NBEA: variants seen among roughly 807,000 people sequenced by gnomAD.
NBEA encodes lysosomal-trafficking regulator 2.
Under a neutral mutation model 343.4 loss-of-function variants are expected in NBEA, and 44 were observed. The ratio of observed to expected loss-of-function variants is 0.13; its 90% confidence interval spans 0.10 to 0.16. NBEA has a LOEUF of 0.16. Among genes scored for constraint, NBEA ranks in the 10% least tolerant of loss-of-function variants. The pLI, the probability that NBEA is intolerant of heterozygous loss-of-function variation, is 1.00. For missense variants in NBEA, 2,555 were observed against 3,631.3 expected (o/e 0.70, Z 7.62); for synonymous variants, 1,175 against 1,238.7 (o/e 0.95, Z 1.08).
intron 41 of NBEA, among the ~76,000 whole-genome samples, chr13:35,496,490 C>T (rs188763883): frequency 4.0e-5 from 6 of 151,562 alleles, no homozygotes; most frequent in Non-Finnish European, 8.8e-5. Context: ...AAACCTTAGC[C>T]AGGCATAGTG....
chr13:35,382,383 C>T (rs957648921), intron 38 of NBEA, among the ~76,000 whole-genome samples: 1 of 151,970 alleles, frequency 6.6e-6, no homozygotes, highest in Non-Finnish European at 1.5e-5. Context: ...TAATGTAATT[C>T]TATTTTATTT....
chr13:35,456,059 A>G (rs764912737), intron 40 of NBEA, among the ~76,000 whole-genome samples: 25 of 152,066 alleles, frequency 1.6e-4, no homozygotes, highest in Non-Finnish European at 2.9e-4. Flanking sequence ...AGTTTTGCTT[A>G]TAGATAGTCT....
In NBEA at chr13:35,655,667, C is replaced by T. The variant is rs1426483005; in HGVS notation, c.8280C>T (p.Ile2760=). The change falls in exon 55 of 59, where the codon ATC becomes ATT. Residue 2760 remains isoleucine, a synonymous_variant. Coordinates refer to ENST00000379939, the MANE Select transcript of NBEA (RefSeq NM_001385012.1). ...SESYIGGDCY[I]VSGSRDATLL... ...CATACATTGGTGGGGACTGCTACAT[C>T]GTGTCCGGATCTCGAGATGCCACCC... 5 of 1,613,884 alleles carry T rather than the reference C, an allele frequency of 3.1e-6. No individual in the cohort carries two copies. The highest frequency in any genetic ancestry group is 1.7e-6 in the Non-Finnish European group (2 of 1,179,864).
chr13:35,155,960 A>G, intron 19 of NBEA, 105 bp downstream of exon 19: 3 of 1,460,622 alleles, frequency 2.1e-6, no homozygotes, highest in Non-Finnish European at 2.8e-6. Flanking sequence ...GTGTTTACCT[A>G]GTTCATGACA....
intron 38 of NBEA, among the ~76,000 whole-genome samples, chr13:35,360,118 C>G (rs1163596609): frequency 2.0e-5 from 3 of 151,918 alleles, no homozygotes; most frequent in African/African-American, 7.2e-5. Context: ...GGATTTGAGT[C>G]TAGGTTGATC....
chr13:35,085,124 A>G (rs1337549408), intron 10 of NBEA, among the ~76,000 whole-genome samples: 1 of 152,110 alleles, frequency 6.6e-6, no homozygotes, highest in Middle Eastern at 3.2e-3. Flanking sequence ...CCAGGACCAG[A>G]TGGATTCACA....
intron 31 of NBEA, among the ~76,000 whole-genome samples, chr13:35,199,742 A>G (rs2072884035): frequency 6.6e-6 from 1 of 152,154 alleles, no homozygotes. Context: ...TTTGAAGTTT[A>G]TAATAAAAAA....
intron 38 of NBEA, among the ~76,000 whole-genome samples, chr13:35,413,441 A>G (rs542999650): frequency 2.6e-5 from 4 of 152,270 alleles, no homozygotes; most frequent in Admixed American, 6.6e-5. Flanking sequence ...TACGTATTAA[A>G]TAATCAATTA....
chr13:35,080,290 C>T (rs1451876031), intron 10 of NBEA, among the ~76,000 whole-genome samples: 1 of 152,042 alleles, frequency 6.6e-6, no homozygotes, highest in Non-Finnish European at 1.5e-5. Context: ...CCTTGGTGGC[C>T]TATGGGTGCC....
At chr13:35,019,848 T>C (rs1337740419) in intron 1 of NBEA, among the ~76,000 whole-genome samples, 2 of 152,186 alleles carry the variant, frequency 1.3e-5, no homozygotes. Flanking sequence ...TCTATAGTCA[T>C]GACTTTTATT....
chr13:35,159,866 T>C lies in NBEA; in HGVS notation c.3695T>C (p.Leu1232Pro). The change falls in exon 22 of 59, where the codon CTG becomes CCG. Residue 1232 changes from leucine to proline, a missense_variant. Physicochemically the swap from Leu to Pro is moderately conservative, Grantham distance 98. Transcript: ENST00000379939. ...ERDLASSTKG[L>P]EYAEMTATTL... ...GACTTAGCGTCATCAACTAAGGGGC[T>C]GGAGTATGCTGAAATGACTGCTACA... 1 of 1,604,972 alleles carries C rather than the reference T, an allele frequency of 6.2e-7. No individual in the cohort carries two copies. The highest frequency in any genetic ancestry group is 8.5e-7 in the Non-Finnish European group (1 of 1,175,230).
intron 1 of NBEA, among the ~76,000 whole-genome samples, chr13:34,979,197 G>A (rs2060275174): frequency 6.6e-6 from 1 of 152,116 alleles, no homozygotes. Flanking sequence ...GGCCAGTGAT[G>A]TCGAGCCCTT....
intron 35 of NBEA, among the ~76,000 whole-genome samples, chr13:35,302,142 T>C (rs1358673336): frequency 6.6e-6 from 1 of 152,162 alleles, no homozygotes; most frequent in Non-Finnish European, 1.5e-5. Context: ...CAAATTCTCA[T>C]TTTACTTTAT....
intron 40 of NBEA, among the ~76,000 whole-genome samples, chr13:35,470,481 A>G (rs2075594479): frequency 1.3e-5 from 2 of 152,302 alleles, no homozygotes; most frequent in African/African-American, 4.8e-5. Context: ...TCCAAATGCC[A>G]GAAACCTCTG....
At chr13:35,535,563 G>A (rs191067392) in intron 41 of NBEA, among the ~76,000 whole-genome samples, 2 of 152,198 alleles carry the variant, frequency 1.3e-5, no homozygotes, top group East Asian at 3.9e-4. Flanking sequence ...GGGGAGGATC[G>A]TGAATTCATT....
At chr13:35,412,553 T>C (rs1204292213) in intron 38 of NBEA, among the ~76,000 whole-genome samples, 1 of 152,150 alleles carries the variant, frequency 6.6e-6, no homozygotes, top group African/African-American at 2.4e-5. Context: ...CATGCTGATA[T>C]TTACCTAGTA....
intron 10 of NBEA, among the ~76,000 whole-genome samples, chr13:35,088,898 A>T (rs561941507): frequency 1.4e-3 from 204 of 144,744 alleles, no homozygotes; most frequent in African/African-American, 5.1e-3. Context: ...CACCTTATAC[A>T]AAAATTAATT....
At chr13:35,501,802 T>C (rs1311821646) in intron 41 of NBEA, among the ~76,000 whole-genome samples, 2 of 152,084 alleles carry the variant, frequency 1.3e-5, no homozygotes, top group African/African-American at 2.4e-5. Context: ...TTTCCTCGAC[T>C]CCTCCTGCAA....
chr13:35,373,707 A>AAATAATAATAATAATAAT (rs60612475), intron 38 of NBEA, among the ~76,000 whole-genome samples: 96 of 149,804 alleles, frequency 6.4e-4, no homozygotes, highest in South Asian at 2.6e-3. Flanking sequence ...ACTGTCTCAA[A>AAATAATAATAATAATAAT]AATAATAATA....
Sources: gnomAD v4.1 joint callset for allele counts (sites outside exome capture counted in the v4.1 genomes callset) on GRCh38, gnomAD v4.1.1 for gene constraint, MANE v1.5 for transcripts, NCBI Gene and HGNC (gene_info 2026-07-23, HGNC 2026-07-21) for gene names.